Variants in FRMD3 observed in about 807,000 individuals in gnomAD.
FRMD3 encodes the protein FERM domain-containing protein 3.
In FRMD3, 33 loss-of-function variants were observed where a neutral mutation model predicts 70.2. The observed-to-expected ratio is 0.47, with a 90% CI of 0.36 to 0.63. The LOEUF (loss-of-function observed/expected upper bound fraction) is 0.63. Among genes scored for constraint, FRMD3 ranks in the 20% least tolerant of loss-of-function variants. FRMD3 has a pLI of 0.00. For synonymous variants in FRMD3, 279 were observed against 255.9 expected (o/e 1.09, Z -0.86); for missense variants, 632 against 711.4 (o/e 0.89, Z 1.27).
intron 1 of FRMD3, 83 bp from the exon 2 acceptor site, chr9:83,389,791 G>T (rs1207372508): frequency 8.8e-6 from 8 of 911,646 alleles, no homozygotes; most frequent in African/African-American, 1.6e-5. Flanking sequence ...ACCACCATGG[G>T]TCTATGTTCT....
At chr9:83,428,335 A>G (rs1284931576) in intron 1 of FRMD3, among the ~76,000 whole-genome samples, 1 of 152,008 alleles carries the variant, frequency 6.6e-6, no homozygotes, top group Non-Finnish European at 1.5e-5. Context: ...CCGAGATCAC[A>G]CCATTGTATT....
At chr9:83,277,735 G>A (rs1383143362) in intron 13 of FRMD3, among the ~76,000 whole-genome samples, 1 of 152,130 alleles carries the variant, frequency 6.6e-6, no homozygotes, top group Non-Finnish European at 1.5e-5. Flanking sequence ...CCTAATCCCA[G>A]GAGAATATTC....
At position 83,538,268 on chromosome 9, in the gene FRMD3, G is replaced by T; in HGVS notation, c.-37C>A. On this transcript the variant is annotated 5_prime_UTR_variant, in exon 1 of 14. Coordinates refer to ENST00000304195, the MANE Select transcript of FRMD3 (RefSeq NM_174938.6). The surrounding 1 kb of genome is among the most constrained non-coding windows in gnomAD (Gnocchi z 4.7). The stretch of plus-strand genomic sequence containing the variant: ...GTGGGGAGCGAGCGGGAGGCTCAGG[G>T]CCGGCGCGGTGCTCGCCTGCGCGGA... 1 of 1,534,292 alleles carries T rather than the reference G, an allele frequency of 6.5e-7. No individual in the cohort carries two copies. Among genetic ancestry groups the T allele is most frequent in the Non-Finnish European group, 8.8e-7 (1 of 1,140,574 alleles).
intron 1 of FRMD3, among the ~76,000 whole-genome samples, chr9:83,497,032 C>T (rs1392391423): frequency 6.6e-6 from 1 of 151,992 alleles, no homozygotes; most frequent in Non-Finnish European, 1.5e-5. Flanking sequence ...GAGAATCACT[C>T]GAACCTGGGA....
chr9:83,395,663 C>G (rs1825792249), intron 1 of FRMD3, among the ~76,000 whole-genome samples: 1 of 152,060 alleles, frequency 6.6e-6, no homozygotes. Flanking sequence ...GATGCATTTA[C>G]TTCAACTCCC....
intron 13 of FRMD3, 106 bp from the exon 14 acceptor site, chr9:83,248,622 A>G: frequency 8.4e-7 from 1 of 1,192,110 alleles, no homozygotes; most frequent in Non-Finnish European, 1.1e-6. Context: ...CAAGCAATCT[A>G]TGAAATTATT....
intron 1 of FRMD3, among the ~76,000 whole-genome samples, chr9:83,439,150 C>T (rs943652253): frequency 6.6e-6 from 1 of 152,196 alleles, no homozygotes; most frequent in East Asian, 1.9e-4. Flanking sequence ...AATAATTTAT[C>T]TTTCGCTTAA....
chr9:83,446,149 G>A (rs979512960), intron 1 of FRMD3, among the ~76,000 whole-genome samples: 13 of 152,044 alleles, frequency 8.6e-5, no homozygotes, highest in African/African-American at 1.9e-4. Flanking sequence ...AATCTGAGCC[G>A]TATCCATATC....
chr9:83,465,517 T>C (rs1010545742), intron 1 of FRMD3, among the ~76,000 whole-genome samples: 7 of 152,198 alleles, frequency 4.6e-5, no homozygotes, highest in African/African-American at 1.4e-4. Flanking sequence ...CAAATCCTTC[T>C]CCAAAGTACA....
intron 1 of FRMD3, among the ~76,000 whole-genome samples, chr9:83,450,370 T>TTTTTA (rs60674885): frequency 1.9e-4 from 23 of 120,800 alleles, no homozygotes; most frequent in South Asian, 5.1e-4. Context: ...TTTTTTTTTT[T>TTTTTA]ATTATACTCT....
chr9:83,531,142 G>A (rs1375245703), intron 1 of FRMD3, among the ~76,000 whole-genome samples: 1 of 152,176 alleles, frequency 6.6e-6, no homozygotes, highest in Non-Finnish European at 1.5e-5. Context: ...CTACCAGTCT[G>A]AGGATAGAGC....
chr9:83,548,778 A>G, the FRMD3 span, among the ~76,000 whole-genome samples: 9,635 of 152,170 alleles, frequency 0.063, 430 homozygotes, highest in East Asian at 0.11. Context: ...TAACAAGCAT[A>G]CCACACTAAT....
chr9:83,536,471 A>C (rs1829894893), intron 1 of FRMD3, among the ~76,000 whole-genome samples: 1 of 152,210 alleles, frequency 6.6e-6, no homozygotes, highest in Non-Finnish European at 1.5e-5. Flanking sequence ...TTATGGGTTA[A>C]AGGACCTGTA....
intron 1 of FRMD3, among the ~76,000 whole-genome samples, chr9:83,392,567 T>C (rs1301434553): frequency 6.6e-6 from 1 of 152,120 alleles, no homozygotes; most frequent in Non-Finnish European, 1.5e-5. Flanking sequence ...CTCCTGAAGA[T>C]AGAGGTTCCT....
At chr9:83,368,376 G>C (rs1040433005) in intron 3 of FRMD3, among the ~76,000 whole-genome samples, 1 of 151,886 alleles carries the variant, frequency 6.6e-6, no homozygotes, top group African/African-American at 2.4e-5. Flanking sequence ...CTGTCACCCA[G>C]GCTGGACTGC....
At chr9:83,405,716 C>T (rs1416424781) in intron 1 of FRMD3, among the ~76,000 whole-genome samples, 2 of 151,186 alleles carry the variant, frequency 1.3e-5, no homozygotes, top group African/African-American at 2.4e-5. Flanking sequence ...GAGCCAAGAT[C>T]GCGCCATTGC....
At chr9:83,432,539 C>T (rs1249675058) in intron 1 of FRMD3, among the ~76,000 whole-genome samples, 1 of 152,194 alleles carries the variant, frequency 6.6e-6, no homozygotes, top group Non-Finnish European at 1.5e-5. Context: ...AAGCCCAGCA[C>T]CCCACCACAG....
At chr9:83,313,507 T>C (rs1412532660) in intron 7 of FRMD3, among the ~76,000 whole-genome samples, 153 bp downstream of exon 7, 2 of 152,150 alleles carry the variant, frequency 1.3e-5, no homozygotes, top group African/African-American at 4.8e-5. Flanking sequence ...TGCCAAAACA[T>C]GTAACAGCAG....
intron 2 of FRMD3, among the ~76,000 whole-genome samples, chr9:83,384,851 T>C (rs1825466541): frequency 6.6e-6 from 1 of 151,998 alleles, no homozygotes; most frequent in South Asian, 2.1e-4. Flanking sequence ...AATTAGCAAT[T>C]CCAAAGTTAA....
Sources: allele counts gnomAD v4.1 joint callset (sites outside exome capture counted in the v4.1 genomes callset), GRCh38; gene constraint gnomAD v4.1.1; non-coding constraint Gnocchi (gnomAD v3.1); transcripts MANE v1.5; gene names NCBI Gene and HGNC (gene_info 2026-07-23, HGNC 2026-07-21).